Variants in CPNE8 observed in about 807,000 individuals in gnomAD.
The protein encoded by CPNE8 is copine-8.
CPNE8 carries 45 observed loss-of-function variants against 81.5 expected under a neutral mutation model. The ratio of observed to expected loss-of-function variants is 0.55; its 90% CI spans 0.44 to 0.71. CPNE8 has a LOEUF of 0.71. CPNE8 is among the 30% of genes least tolerant of loss of function. CPNE8 has a pLI of 0.00. For missense variants in CPNE8, 594 were observed against 672.1 expected (o/e 0.88, Z 1.28); for synonymous variants, 252 against 226.3 (o/e 1.11, Z -1.02).
At chr12:38,854,068 C>A (rs1943688468) in intron 3 of CPNE8, among the ~76,000 whole-genome samples, 1 of 151,952 alleles carries the variant, frequency 6.6e-6, no homozygotes. Context: ...CCAGAGATTA[C>A]ACAAGAGTAA....
Position 38,894,855 on chromosome 12 carries a change from A to G in CPNE8, c.98+10582T>C, listed in dbSNP as rs543091667. ...TACTCCTTTATAGGAGTACATTTAG[A>G]TAAAAGAGGATTGTAGGAATGCTCA... On this transcript the variant is annotated intron_variant, in intron 1 of 19. Transcript: ENST00000331366. 1.1e-4 allele frequency among the ~76,000 whole-genome samples: 17 copies of G among 152,244 alleles called. No homozygotes were observed. The East Asian group carries it at 2.9e-3, about 26-fold the overall frequency.
intron 13 of CPNE8, among the ~76,000 whole-genome samples, chr12:38,722,096 C>T (rs549721756): frequency 9.9e-5 from 15 of 152,224 alleles, no homozygotes; most frequent in African/African-American, 2.9e-4. Context: ...GTGCCACCGG[C>T]CAGAGGTTTC....
intron 6 of CPNE8, among the ~76,000 whole-genome samples, chr12:38,806,460 A>G (rs1473355982): frequency 6.7e-6 from 1 of 150,092 alleles, no homozygotes; most frequent in African/African-American, 2.4e-5. Flanking sequence ...ATGCAAATCA[A>G]TAAATGTAAT....
intron 1 of CPNE8, among the ~76,000 whole-genome samples, chr12:38,887,346 A>G (rs540898724): frequency 6.6e-6 from 1 of 152,282 alleles, no homozygotes; most frequent in Non-Finnish European, 1.5e-5. Context: ...TGAAGCCAAA[A>G]TCCAAGGAAA....
intron 19 of CPNE8, among the ~76,000 whole-genome samples, chr12:38,663,991 G>A (rs756188144): frequency 2.0e-5 from 3 of 151,950 alleles, no homozygotes; most frequent in Non-Finnish European, 2.9e-5. Flanking sequence ...GGGAAAGAGG[G>A]GTAAGGAGAC....
At chr12:38,859,186 TAA>T (rs59226121) in intron 3 of CPNE8, among the ~76,000 whole-genome samples, 1 of 147,352 alleles carries the variant, frequency 6.8e-6, no homozygotes, top group East Asian at 2.0e-4. Context: ...ACTTATAGGT[TAA>T]AAAAAAAAAT....
intron 6 of CPNE8, among the ~76,000 whole-genome samples, chr12:38,813,344 C>A (rs1278806837): frequency 6.6e-6 from 1 of 151,880 alleles, no homozygotes; most frequent in African/African-American, 2.4e-5. Flanking sequence ...ACAGAAGAGT[C>A]CCAGAAAAGA....
intron 6 of CPNE8, among the ~76,000 whole-genome samples, chr12:38,819,226 C>T (rs1484167412): frequency 2.0e-5 from 3 of 152,014 alleles, no homozygotes; most frequent in African/African-American, 4.8e-5. Flanking sequence ...TGTCCTGAAT[C>T]GTATTGTCTA....
chr12:38,661,785 C>T (rs1307272260), intron 19 of CPNE8, among the ~76,000 whole-genome samples: 1 of 151,628 alleles, frequency 6.6e-6, no homozygotes, highest in Non-Finnish European at 1.5e-5. Flanking sequence ...AATACAACAG[C>T]ACATCAAAAA....
intron 3 of CPNE8, among the ~76,000 whole-genome samples, chr12:38,856,177 A>G (rs1015427477): frequency 1.3e-5 from 2 of 152,088 alleles, no homozygotes. Context: ...CAGACCAATA[A>G]TGAATAAGAG....
At position 38,767,672 on chromosome 12, in the gene CPNE8, G is replaced by A. The variant is rs1353461310; in HGVS notation, c.538C>T (p.Pro180Ser). 1.3e-6 allele frequency: 2 copies of A among 1,565,662 alleles called. No individual in the cohort carries two copies. The highest frequency in any genetic ancestry group is 4.0e-5 in the Admixed American group (2 of 50,360). ...TTACTTCGATAAAATACAAGGAAAG[G>A]ATCTGATTTTCCAAAGAAGTCCTTC... The part of the protein sequence containing the change: ...DKKDFFGKSD[P>S]FLVFYRSNED... Residue 180 changes from proline (P) to serine (S), a missense_variant, in exon 8 of 20, where the codon CCT (proline) becomes TCT (serine). Transcript: ENST00000331366.
intron 18 of CPNE8, among the ~76,000 whole-genome samples, chr12:38,674,644 G>T (rs965215145): frequency 1.3e-5 from 2 of 152,224 alleles, no homozygotes; most frequent in Admixed American, 6.5e-5. Flanking sequence ...AGGGATAAAT[G>T]ACTTGCTTTT....
intron 7 of CPNE8, among the ~76,000 whole-genome samples, chr12:38,769,388 A>C (rs1363876936): frequency 6.6e-6 from 1 of 152,128 alleles, no homozygotes; most frequent in Non-Finnish European, 1.5e-5. Flanking sequence ...TTTAAATTAG[A>C]GGTTTAAAGA....
intron 6 of CPNE8, among the ~76,000 whole-genome samples, chr12:38,792,870 A>C (rs1942358424): frequency 6.6e-6 from 1 of 151,996 alleles, no homozygotes; most frequent in African/African-American, 2.4e-5. Flanking sequence ...TGGCACACTA[A>C]AAGAATTATA....
At position 38,840,836 on chromosome 12, in the gene CPNE8, C is replaced by G. The variant is rs184740026; in HGVS notation, c.291-881G>C. Among the ~76,000 whole-genome samples, 786 of 152,186 alleles carry G rather than the reference C, an allele frequency of 5.2e-3. 6 individuals carry two copies. Among genetic ancestry groups the G allele is most frequent in the Non-Finnish European group, 8.1e-3 (548 of 67,976 alleles). ...ACGATCATTCATTATCACTTTATCC[C>G]CTGGCATTAAAGAGTTTGTAGAAGT... is the stretch of plus-strand genomic sequence containing the variant. On this transcript the variant is annotated intron_variant, in intron 4 of 19. Coordinates refer to ENST00000331366, the MANE Select transcript of CPNE8 (RefSeq NM_153634.3).
intron 7 of CPNE8, among the ~76,000 whole-genome samples, chr12:38,769,387 G>A (rs1458305287): frequency 6.6e-6 from 1 of 152,080 alleles, no homozygotes; most frequent in Admixed American, 6.6e-5. Flanking sequence ...TTTTAAATTA[G>A]AGGTTTAAAG....
At chr12:38,905,946 G>T (rs1944565242), upstream of CPNE8, 1 of 985,386 alleles carries the variant, frequency 1.0e-6, no homozygotes, top group South Asian at 4.7e-5. Flanking sequence ...CCGGCTCTGC[G>T]TGCTTTTAGG....
chr12:38,753,073 A>G (rs1941384925), intron 10 of CPNE8, among the ~76,000 whole-genome samples: 1 of 152,230 alleles, frequency 6.6e-6, no homozygotes, highest in South Asian at 2.1e-4. Flanking sequence ...GAGAAATAAA[A>G]GCTCTAATAT....
intron 13 of CPNE8, among the ~76,000 whole-genome samples, chr12:38,721,526 C>T (rs960691441): frequency 6.6e-6 from 1 of 152,228 alleles, no homozygotes; most frequent in African/African-American, 2.4e-5. Context: ...TAAAACTCCT[C>T]TTCATCTTGG....
Sources: allele counts gnomAD v4.1 joint callset (sites outside exome capture counted in the v4.1 genomes callset), GRCh38; gene constraint gnomAD v4.1.1; transcripts MANE v1.5; gene names NCBI Gene and HGNC (gene_info 2026-07-23, HGNC 2026-07-21).